ITGB1BP2: variants seen among roughly 807,000 people sequenced by gnomAD.
ITGB1BP2 encodes integrin beta-1-binding protein 2.
A neutral mutation model predicts 32.2 loss-of-function variants in ITGB1BP2; 27 were observed. The observed-to-expected ratio is 0.84, with a 90% CI of 0.62 to 1.16. The LOEUF (loss-of-function observed/expected upper bound fraction) is 1.16, where lower values mean the gene tolerates loss of function less well. ITGB1BP2 is among the 50% of genes most tolerant of loss of function. The pLI is 0.00. For synonymous variants in ITGB1BP2, 105 were observed against 94.7 expected, an observed-to-expected ratio of 1.11 and a Z score of -0.63; for missense variants, 250 against 267.3, an observed-to-expected ratio of 0.94 and a Z score of 0.45.
At chrX:71,301,968 C>T in intron 1 of ITGB1BP2, 98 bp downstream of exon 1, 1 of 902,396 alleles carries the variant, frequency 1.1e-6, no homozygotes, top group African/African-American at 2.0e-5. Flanking sequence ...AAAGAAACTA[C>T]CTGCCCTAGT....
intron 4 of ITGB1BP2, among the ~76,000 whole-genome samples, chrX:71,303,004 G>A (rs1165514864): frequency 8.9e-6 from 1 of 111,960 alleles, no homozygotes; most frequent in African/African-American, 3.2e-5. Context: ...AAGAGGATAT[G>A]ACTCAGTTCT....
chrX:71,302,266 CTTG>C lies in ITGB1BP2; in HGVS notation c.115-8_115-6del, dbSNP rs1310057483. On this transcript the variant is annotated splice_region_variant and splice_polypyrimidine_tract_variant and intron_variant, in intron 2 of 10. Coordinates refer to ENST00000373829, the MANE Select transcript of ITGB1BP2 (RefSeq NM_012278.4). ...CAGGAAGCTAAGCTGATCTGGGTCT[CTTG>C]TTATCAGGGTTGGTCCTGCTGCCGA... The C allele has an allele frequency of 1.1e-5, 13 of 1,211,133 alleles. No homozygotes were observed. Among genetic ancestry groups the C allele is most frequent in the Non-Finnish European group, 1.5e-5 (13 of 895,186 alleles).
At chrX:71,304,702 GA>G (rs2031668189) in intron 10 of ITGB1BP2, 98 bp downstream of exon 10, 2 of 686,214 alleles carry the variant, frequency 2.9e-6, no homozygotes, top group Non-Finnish European at 4.4e-6. Context: ...GTTGTACTAG[GA>G]AAATGGAGGT....
chrX:71,305,244 C>G lies in ITGB1BP2; in HGVS notation c.*52C>G, dbSNP rs928515396. The G allele has an allele frequency of 2.9e-6, 3 of 1,031,327 alleles. No individual in the cohort carries two copies. Among genetic ancestry groups the G allele is most frequent in the Non-Finnish European group, 4.0e-6 (3 of 755,308 alleles). The allele number at this position is 1,031,327 out of a possible 1,213,427, so 85.0% of individuals were successfully genotyped here. ...AGGACCTCAATGATTCCCTTAGAAT[C>G]TTAGATACCAGGATATTGTTGGCCA... is the stretch of plus-strand genomic sequence containing the variant. On this transcript the variant is annotated 3_prime_UTR_variant, in exon 11 of 11. Coordinates refer to ENST00000373829, the MANE Select transcript of ITGB1BP2 (RefSeq NM_012278.4).
intron 4 of ITGB1BP2, 65 bp downstream of exon 4, chrX:71,302,621 G>A: frequency 9.2e-7 from 1 of 1,082,877 alleles, no homozygotes; most frequent in South Asian, 2.2e-5. Flanking sequence ...TGATTAATGG[G>A]TCATTGAGGA....
At chrX:71,304,426 T>C in intron 9 of ITGB1BP2, 116 bp from the exon 10 acceptor site, 15 of 877,767 alleles carry the variant, frequency 1.7e-5, no homozygotes, top group Admixed American at 1.0e-4. Flanking sequence ...AGGAGAGTTA[T>C]TAGGTCAGGG....
At position 71,301,753 on chromosome X, in the gene ITGB1BP2, C is replaced by A; in HGVS notation, c.-54C>A. ...TCCAGACTAAGAGGTGTTCCCCATT[C>A]GGCAGCCAGACTCCTTGAAATACCC... On this transcript the variant is annotated 5_prime_UTR_variant, in exon 1 of 11. Transcript: ENST00000373829. 5.6e-6 allele frequency: 6 copies of A among 1,078,575 alleles called. No homozygotes were observed. Among genetic ancestry groups the A allele is most frequent in the Non-Finnish European group, 7.7e-6 (6 of 776,050 alleles). 88.9% of individuals were successfully genotyped at this position (1,078,575 alleles called of 1,213,427 possible). A position where few individuals can be genotyped will look rare whatever the true frequency, so the allele number is the denominator to read the frequency against.
In ITGB1BP2 at chrX:71,304,641, G is replaced by A. The variant is rs757510815; in HGVS notation, c.816+37G>A. 14 of 1,115,525 alleles carry A rather than the reference G, an allele frequency of 1.3e-5. No homozygotes were observed. The East Asian group carries it at 4.2e-4, about 34-fold the overall frequency. 91.9% of individuals were successfully genotyped at this position (1,115,525 alleles called of 1,213,427 possible). A position where few individuals can be genotyped will look rare whatever the true frequency, so the allele number is the denominator to read the frequency against. ...CCAGGGGACACAAGAGTGGGAGGCA[G>A]ATGGGTGAAAGAGCGGCTAGACTGG... On this transcript the variant is annotated intron_variant, in intron 10 of 10. Transcript: ENST00000373829.
Position 71,302,445 on chromosome X carries a change from T to A in ITGB1BP2, c.206T>A (p.Leu69His). The change falls in exon 4 of 11, where the codon CTT becomes CAT. Residue 69 changes from leucine to histidine, a missense_variant. Coordinates refer to ENST00000373829, the MANE Select transcript of ITGB1BP2 (RefSeq NM_012278.4). Reference protein sequence around the residue: ...CTMGPHCAEKLPEAPQPEGPA... With the variant: ...CTMGPHCAEKHPEAPQPEGPA... Reference sequence around the variant, plus strand: ...ATGGGACCACACTGTGCTGAGAAGCTTCCTGAGGCCCCTCAACCTGAAGGC... The same window carrying A: ...ATGGGACCACACTGTGCTGAGAAGCATCCTGAGGCCCCTCAACCTGAAGGC... The A allele has an allele frequency of 8.3e-7, 1 of 1,211,582 alleles. No homozygotes were observed. The highest frequency in any genetic ancestry group is 2.3e-4 in the Middle Eastern group (1 of 4,354).
chrX:71,302,785 A>G (rs372042755), intron 4 of ITGB1BP2, among the ~76,000 whole-genome samples: 2 of 111,790 alleles, frequency 1.8e-5, no homozygotes, highest in African/African-American at 3.3e-5. Flanking sequence ...TCAACAGAGT[A>G]GATAGCCCCT....
chrX:71,302,137 A>G lies in ITGB1BP2; in HGVS notation c.65A>G (p.Asp22Gly), dbSNP rs1473423746. The change falls in exon 2 of 11, where the codon GAT becomes GGT. Residue 22 changes from aspartate (D) to glycine (G), a missense_variant and splice_region_variant. Transcript: ENST00000373829. ...QHFDPNTNLPDSCCHHPGVPI... is the reference protein window; with the variant it reads ...QHFDPNTNLPGSCCHHPGVPI... Reference sequence around the variant, plus strand: ...TGATAACTTCTACTGATGTCCACAGATTCCTGTTGCCATCACCCTGGGGTC... The same window carrying G: ...TGATAACTTCTACTGATGTCCACAGGTTCCTGTTGCCATCACCCTGGGGTC... The G allele has an allele frequency of 9.1e-6, 11 of 1,206,836 alleles. No homozygotes were observed. Among genetic ancestry groups the G allele is most frequent in the Non-Finnish European group, 1.2e-5 (11 of 893,745 alleles).
Position 71,302,132 on chromosome X carries a change from C to T in ITGB1BP2, c.65-5C>T, listed in dbSNP as rs749088220. On this transcript the variant is annotated splice_region_variant and splice_polypyrimidine_tract_variant and intron_variant, in intron 1 of 10. Coordinates refer to ENST00000373829, the MANE Select transcript of ITGB1BP2 (RefSeq NM_012278.4). ...TTCCTTGATAACTTCTACTGATGTC[C>T]ACAGATTCCTGTTGCCATCACCCTG... 2 of 1,208,698 alleles carry T rather than the reference C, an allele frequency of 1.7e-6. No individual in the cohort carries two copies. Among genetic ancestry groups the T allele is most frequent in the Non-Finnish European group, 2.2e-6 (2 of 893,658 alleles).
Position 71,302,183 on chromosome X carries a change from T to A in ITGB1BP2, c.111T>A (p.Leu37=), listed in dbSNP as rs2031624819. ...HPGVPIFHDA[L]KGWSCCRKRT... is the part of the protein sequence containing the mutation. ...GGGTCCCAATCTTCCATGATGCACT[T>A]AAGGTGAGGAGTAGGTGAGGGGGGT... The change falls in exon 2 of 11, where the codon CTT becomes CTA. Residue 37 remains leucine, a synonymous_variant. Coordinates refer to ENST00000373829, the MANE Select transcript of ITGB1BP2 (RefSeq NM_012278.4). 2.5e-6 allele frequency: 3 copies of A among 1,210,645 alleles called. No homozygotes were observed. Among genetic ancestry groups the A allele is most frequent in the Non-Finnish European group, 3.4e-6 (3 of 895,053 alleles).
chrX:71,301,930 T>TG (rs1380112687), intron 1 of ITGB1BP2, 60 bp downstream of exon 1: 32 of 1,014,035 alleles, frequency 3.2e-5, no homozygotes, highest in South Asian at 2.3e-4. Flanking sequence ...ACTGGTCAGC[T>TG]GGGGGGCAGT....
At chrX:71,302,660 A>C in intron 4 of ITGB1BP2, 104 bp downstream of exon 4, 1 of 909,667 alleles carries the variant, frequency 1.1e-6, no homozygotes, top group Non-Finnish European at 1.5e-6. Context: ...GGATGTGAGG[A>C]GGGCCAGATG....
At chrX:71,304,854 T>C in intron 10 of ITGB1BP2, 111 bp from the exon 11 acceptor site, 1 of 582,395 alleles carries the variant, frequency 1.7e-6, no homozygotes, top group East Asian at 3.5e-5. Flanking sequence ...TTACCTTTTT[T>C]CTTACCTTAT....
Position 71,302,292 on chromosome X carries a change from C to T in ITGB1BP2, c.130C>T (p.Arg44Ter), listed in dbSNP as rs1480724923. The T allele has an allele frequency of 8.3e-6, 10 of 1,210,823 alleles. No homozygotes were observed. The highest frequency in any genetic ancestry group is 3.0e-5 in the East Asian group (1 of 33,825). Residue 44 changes from arginine to a stop codon, truncating the protein, a stop_gained, in exon 3 of 11, where the codon CGA becomes TGA. Coordinates refer to ENST00000373829, the MANE Select transcript of ITGB1BP2 (RefSeq NM_012278.4). LOFTEE classifies it high-confidence loss of function. ...HDALKGWSCC[R>*]KRTVDFSEFL... ...TTGTTATCAGGGTTGGTCCTGCTGC[C>T]GAAAGCGAACTGTAGATTTCTCTGA...
intron 8 of ITGB1BP2, 99 bp from the exon 9 acceptor site, chrX:71,304,088 C>G: frequency 1.3e-6 from 1 of 754,691 alleles, no homozygotes; most frequent in East Asian, 3.2e-5. Context: ...TTGTGTTAAT[C>G]TTTTTGAGAC....
Position 71,304,968 on chromosome X carries a change from A to T in ITGB1BP2, c.820A>T (p.Ile274Leu). 8.3e-7 allele frequency: 1 copy of T among 1,205,389 alleles called. No individual in the cohort carries two copies. Among genetic ancestry groups the T allele is most frequent in the Admixed American group, 2.2e-5 (1 of 45,911 alleles). ...FQAQMKLWGV[I>L]NVEQSSVFLM... ...GTTTTCCTTTGCTCCTCCTCAGGTC[A>T]TAAACGTGGAGCAGAGCTCTGTCTT... The change falls in exon 11 of 11, where the codon ATA (isoleucine) becomes TTA (leucine). Residue 274 changes from isoleucine to leucine, a missense_variant. Coordinates refer to ENST00000373829, the MANE Select transcript of ITGB1BP2 (RefSeq NM_012278.4).
Sources: allele counts gnomAD v4.1 joint callset (sites outside exome capture counted in the v4.1 genomes callset), GRCh38; gene constraint gnomAD v4.1.1; transcripts MANE v1.5; gene names NCBI Gene and HGNC (gene_info 2026-07-23, HGNC 2026-07-21).